Variants in ANKRD24 observed in about 807,000 individuals in gnomAD.
ANKRD24 encodes the protein ankyrin repeat domain 24, also known as ankyrin repeat domain-containing protein 24.
ANKRD24 carries 109 observed loss-of-function variants against 127.8 expected under a neutral mutation model. That is an observed-to-expected ratio of 0.85 (90% CI 0.73 to 1.00). ANKRD24 has a LOEUF of 1.00. ANKRD24 is among the 50% of genes least tolerant of loss of function. The pLI is 0.00. For missense variants in ANKRD24, 1,648 were observed against 1,570.2 expected, an observed-to-expected ratio of 1.05 and a Z score of -0.84; for synonymous variants, 743 against 671.1, an observed-to-expected ratio of 1.11 and a Z score of -1.66.
At position 4,224,543 on chromosome 19, in the gene ANKRD24, C is replaced by A; in HGVS notation, c.*38C>A. Reference sequence around the variant, plus strand: ...CCAGTGGCTACACTGACCACACCCACGCAGGGACCTCACCCCCCTGCAGGC... The same window carrying A: ...CCAGTGGCTACACTGACCACACCCAAGCAGGGACCTCACCCCCCTGCAGGC... On this transcript the variant is annotated 3_prime_UTR_variant, in exon 22 of 22. Transcript: ENST00000318934. 1 of 1,568,928 alleles carries A rather than the reference C, an allele frequency of 6.4e-7. No individual in the cohort carries two copies. Among genetic ancestry groups the A allele is most frequent in the South Asian group, 1.2e-5 (1 of 86,632 alleles).
intron 5 of ANKRD24, 117 bp from the exon 6 acceptor site, chr19:4,201,909 G>A: frequency 1.2e-6 from 1 of 848,296 alleles, no homozygotes; most frequent in Non-Finnish European, 2.0e-6. Context: ...AGAAATACTA[G>A]GGTTTACGGA....
Position 4,222,772 on chromosome 19 carries a change from A to T in ANKRD24, c.3274A>T (p.Lys1092Ter). The change falls in exon 20 of 22, where the codon AAG becomes TAG. Residue 1092 changes from lysine (K) to a stop codon, truncating the protein, a stop_gained. Coordinates refer to ENST00000318934, the MANE Select transcript of ANKRD24 (RefSeq NM_001393985.1). LOFTEE classifies it high-confidence loss of function. ...GGTGGAGGCTCTCCGTGACCAGGTG[A>T]AGGATTTACAGCAGCAGCTGCAGGT... Reference protein sequence around the residue: ...PEVEALRDQVKDLQQQLQEAA... With the variant: ...PEVEALRDQV 5 of 1,610,206 alleles carry T rather than the reference A, an allele frequency of 3.1e-6. No homozygotes were observed. The highest frequency in any genetic ancestry group is 4.2e-6 in the Non-Finnish European group (5 of 1,177,388).
intron 7 of ANKRD24, 144 bp from the exon 8 acceptor site, chr19:4,207,098 T>C (rs1015998443): frequency 7.5e-6 from 4 of 535,480 alleles, no homozygotes; most frequent in African/African-American, 5.9e-5. Flanking sequence ...TTTTTTTTTT[T>C]TTTTTGTAGA....
Position 4,198,520 on chromosome 19 carries a change from C to T in ANKRD24, c.37-1163C>T, listed in dbSNP as rs769018465. On this transcript the variant is annotated intron_variant, in intron 2 of 21. Transcript: ENST00000318934. The surrounding 1 kb of genome is among the most constrained non-coding windows in gnomAD (Gnocchi z 6.1). ...TGAAGCAGCTGTGTCTGTGCGCAGCCGCCTCCTTCGCGGTAGGGCCCGGGG... is the reference window on the plus strand; with the variant it reads ...TGAAGCAGCTGTGTCTGTGCGCAGCTGCCTCCTTCGCGGTAGGGCCCGGGG... 4.9e-6 allele frequency: 3 copies of T among 607,378 alleles called. No individual in the cohort carries two copies. The highest frequency in any genetic ancestry group is 3.4e-5 in the East Asian group (1 of 29,450). 37.6% of individuals were successfully genotyped at this position (607,378 alleles called of 1,614,324 possible). A position where few individuals can be genotyped will look rare whatever the true frequency, so the allele number is the denominator to read the frequency against.
At chr19:4,187,395 A>G (rs952094125) in intron 2 of ANKRD24, among the ~76,000 whole-genome samples, 5 of 152,046 alleles carry the variant, frequency 3.3e-5, no homozygotes, top group African/African-American at 1.2e-4. Context: ...CCTGGGCAAC[A>G]GAGTGAGACT....
intron 2 of ANKRD24, among the ~76,000 whole-genome samples, chr19:4,190,933 T>A (rs1233461363): frequency 6.6e-6 from 1 of 152,142 alleles, no homozygotes; most frequent in East Asian, 1.9e-4. Context: ...TCAAGAAGTG[T>A]GGGTGGCTAA....
At position 4,183,931 on chromosome 19, in the gene ANKRD24, A is replaced by G. The variant is rs117217081; in HGVS notation, c.-37+1191A>G. ...CTCAAAAATAAATAAATAAATAAAT[A>G]AAGAGTGCATGAGTCAGGTAGAGCC... is the stretch of plus-strand genomic sequence containing the variant. On this transcript the variant is annotated intron_variant, in intron 1 of 21. Transcript: ENST00000318934. Among the ~76,000 whole-genome samples, 920 of 152,250 alleles carry G rather than the reference A, an allele frequency of 6.0e-3. 8 individuals carry two copies. Among genetic ancestry groups the G allele is most frequent in the Non-Finnish European group, 0.01 (699 of 68,016 alleles).
At chr19:4,207,670 T>A (rs949719417) in intron 9 of ANKRD24, 63 bp downstream of exon 9, 12 of 1,601,536 alleles carry the variant, frequency 7.5e-6, no homozygotes, top group Non-Finnish European at 1.0e-5. Context: ...AGACTTAACC[T>A]AAGTAAGACG....
At chr19:4,209,819 G>C (rs1222091837) in intron 11 of ANKRD24, among the ~76,000 whole-genome samples, 2 of 152,212 alleles carry the variant, frequency 1.3e-5, no homozygotes, top group East Asian at 3.8e-4. Context: ...TGGTCTAGCT[G>C]GGGAAAGAAC....
rs1476101094 is a variant in ANKRD24 at position 4,200,070 on chromosome 19, C to G, written c.255-13C>G. 1 of 1,576,644 alleles carries G rather than the reference C, an allele frequency of 6.3e-7. No homozygotes were observed. The highest frequency in any genetic ancestry group is 8.6e-7 in the Non-Finnish European group (1 of 1,160,166). On this transcript the variant is annotated splice_polypyrimidine_tract_variant and intron_variant, in intron 4 of 21. Transcript: ENST00000318934. The stretch of plus-strand genomic sequence containing the variant: ...GGCAACCTTGCGGCTGAACCCTTGT[C>G]TCTCACCTCCAGGTTCCACCTGGCG...
intron 19 of ANKRD24, among the ~76,000 whole-genome samples, chr19:4,222,002 A>G (rs1346288182): frequency 2.0e-5 from 3 of 152,206 alleles, no homozygotes; most frequent in East Asian, 1.9e-4. Context: ...CCAGATCTAT[A>G]GTAATAATAA....
rs529506633 is a variant in ANKRD24, at chr19:4,221,620, T to C, written c.3172-1050T>C. On this transcript the variant is annotated intron_variant, in intron 19 of 21. Coordinates refer to ENST00000318934, the MANE Select transcript of ANKRD24 (RefSeq NM_001393985.1). ...GGCTCAAAGTCACGCAACATGTCAC[T>C]GGACAGGAGACGAGACACCCAGAGT... Among the ~76,000 whole-genome samples, 8 of 152,270 alleles carry C rather than the reference T, an allele frequency of 5.3e-5. No homozygotes were observed. The South Asian group carries it at 1.2e-3, about 24-fold the overall frequency.
rs1969869624 is a variant in ANKRD24, at chr19:4,213,325, C to T, written c.1197+627C>T. Among the ~76,000 whole-genome samples the T allele has an allele frequency of 2.0e-5, 3 of 148,332 alleles. No homozygotes were observed. The Admixed American group carries it at 2.0e-4, about 10-fold the overall frequency. On this transcript the variant is annotated intron_variant, in intron 15 of 21. Coordinates refer to ENST00000318934, the MANE Select transcript of ANKRD24 (RefSeq NM_001393985.1). ...CCTTCCTTCCCTCCCTCCCTCCTTC[C>T]CTTCCTTCCTTTCCTTCCTTCCTTC...
rs189621940 is a variant in ANKRD24 at position 4,203,825 on chromosome 19, A to G, written c.466+899A>G. ...CAACACCCACCTAAAATTTTTTTGT[A>G]TTTTTAGTAGAGATGGGGTTTCACC... On this transcript the variant is annotated intron_variant, in intron 7 of 21. Coordinates refer to ENST00000318934, the MANE Select transcript of ANKRD24 (RefSeq NM_001393985.1). Among the ~76,000 whole-genome samples, 32 of 149,920 alleles carry G rather than the reference A, an allele frequency of 2.1e-4. 1 individual carries two copies. Among genetic ancestry groups the G allele is most frequent in the Admixed American group, 2.0e-3 (30 of 14,962 alleles).
rs1402066295 is a variant in ANKRD24, at chr19:4,198,895, AG to A, written c.37-787del. Among the ~76,000 whole-genome samples the A allele has an allele frequency of 4.6e-5, 7 of 152,114 alleles. No homozygotes were observed. The highest frequency in any genetic ancestry group is 1.4e-4 in the African/African-American group (6 of 41,416). On this transcript the variant is annotated intron_variant, in intron 2 of 21. Transcript: ENST00000318934. This position sits in a 1 kb window ranked among gnomAD's most constrained non-coding sequence, Gnocchi z 6.1. Reference sequence around the variant, plus strand: ...ATTTTGCGAAGAGGTAATGATTTGGAGAACAGTTTGGGAGAACATTTGAGGG... The same window carrying A: ...ATTTTGCGAAGAGGTAATGATTTGGAAACAGTTTGGGAGAACATTTGAGGG...
Position 4,213,492 on chromosome 19 carries a change from G to A in ANKRD24, c.1197+794G>A, listed in dbSNP as rs1599451035. On this transcript the variant is annotated intron_variant, in intron 15 of 21. Transcript: ENST00000318934. Reference sequence around the variant, plus strand: ...TTTTTTTTGGACAGAGTCTCGCTCTGTCACCCAGGCTGGGATGCAATGGTG... The same window carrying A: ...TTTTTTTTGGACAGAGTCTCGCTCTATCACCCAGGCTGGGATGCAATGGTG... Among the ~76,000 whole-genome samples the A allele has an allele frequency of 4.9e-5, 5 of 102,562 alleles. No individual in the cohort carries two copies. In the South Asian group the frequency reaches 1.8e-3, roughly 36 times the overall value. 67.3% of individuals were successfully genotyped at this position (102,562 alleles called of 152,430 possible).
At chr19:4,196,411 T>C (rs866811410) in intron 2 of ANKRD24, among the ~76,000 whole-genome samples, 8 of 152,180 alleles carry the variant, frequency 5.3e-5, no homozygotes, top group Middle Eastern at 3.2e-3. Context: ...AGTCTCGCTC[T>C]GTCACCCAGG....
chr19:4,189,243 C>CTTTTTTTTTTTTTTTTTTTTTTTTTTTT lies in ANKRD24; in HGVS notation c.36+2804_36+2805insTTTTTTTTTTTTTTTTTTTTTTTTTTTT, dbSNP rs398033749. Among the ~76,000 whole-genome samples, 61 of 73,930 alleles carry CTTTTTTTTTTTTTTTTTTTTTTTTTTTT rather than the reference C, an allele frequency of 8.3e-4. 2 individuals are homozygous for CTTTTTTTTTTTTTTTTTTTTTTTTTTTT. Among genetic ancestry groups the CTTTTTTTTTTTTTTTTTTTTTTTTTTTT allele is most frequent in the Non-Finnish European group, 1.2e-3 (48 of 40,040 alleles). The allele number at this position is 73,930 out of a possible 152,430, so 48.5% of individuals were successfully genotyped here. Reference sequence around the variant, plus strand: ...TTATTTTTTTTAATTTTTCTTTCTTCTTTTTTTTTTTTTTTTTTTTTTGAA... The same window carrying CTTTTTTTTTTTTTTTTTTTTTTTTTTTT: ...TTATTTTTTTTAATTTTTCTTTCTTCTTTTTTTTTTTTTTTTTTTTTTTTTTTTTTTTTTTTTTTTTTTTTTTTTTGAA... On this transcript the variant is annotated intron_variant, in intron 2 of 21. Coordinates refer to ENST00000318934, the MANE Select transcript of ANKRD24 (RefSeq NM_001393985.1).
At chr19:4,184,982 G>A (rs1967976339) in intron 1 of ANKRD24, among the ~76,000 whole-genome samples, 1 of 149,294 alleles carries the variant, frequency 6.7e-6, no homozygotes, top group African/African-American at 2.5e-5. Context: ...GTGGGTGGGT[G>A]GGTGGATGGA....
Sources: gnomAD v4.1 joint callset for allele counts (sites outside exome capture counted in the v4.1 genomes callset) on GRCh38, gnomAD v4.1.1 for gene constraint, Gnocchi (gnomAD v3.1) non-coding constraint, MANE v1.5 for transcripts, NCBI Gene and HGNC (gene_info 2026-07-23, HGNC 2026-07-21) for gene names.